Variants in ABHD3 observed in about 807,000 individuals in gnomAD.
ABHD3 encodes phospholipase ABHD3.
A neutral mutation model predicts 48.8 loss-of-function variants in ABHD3; 46 were observed. The observed-to-expected ratio is 0.94, with a 90% CI of 0.74 to 1.20. ABHD3 has a LOEUF of 1.20. Ranked by LOEUF, ABHD3 falls within the 50% of genes most tolerant of loss-of-function variation. The pLI is 0.00. For missense variants in ABHD3, 490 were observed against 497.8 expected, an observed-to-expected ratio of 0.98 and a Z score of 0.15; for synonymous variants, 192 against 183.7, an observed-to-expected ratio of 1.04 and a Z score of -0.36.
chr18:21,661,266 G>A (rs572960904), intron 5 of ABHD3, among the ~76,000 whole-genome samples: 29 of 152,206 alleles, frequency 1.9e-4, no homozygotes, highest in Non-Finnish European at 3.8e-4. Context: ...AATACTGTAT[G>A]ATAGTTTGAA....
At chr18:21,678,968 G>A (rs1331774564) in intron 4 of ABHD3, among the ~76,000 whole-genome samples, 1 of 152,198 alleles carries the variant, frequency 6.6e-6, no homozygotes, top group Non-Finnish European at 1.5e-5. Flanking sequence ...AGGAGCCATA[G>A]TAATCTCTAT....
chr18:21,668,379 G>A (rs1156319619), intron 4 of ABHD3, among the ~76,000 whole-genome samples: 1 of 151,916 alleles, frequency 6.6e-6, no homozygotes, highest in East Asian at 1.9e-4. Context: ...AATTATTTAT[G>A]AATAGTCCCC....
At chr18:21,686,318 GTTAA>G (rs2040128080) in intron 3 of ABHD3, among the ~76,000 whole-genome samples, 1 of 152,224 alleles carries the variant, frequency 6.6e-6, no homozygotes, top group East Asian at 1.9e-4. Context: ...CGGTGCTAAA[GTTAA>G]TTATGATCTT....
intron 8 of ABHD3, among the ~76,000 whole-genome samples, chr18:21,655,885 G>A (rs1230852772): frequency 6.6e-6 from 1 of 151,778 alleles, no homozygotes; most frequent in Non-Finnish European, 1.5e-5. Context: ...GGCTGGGTGT[G>A]GTGGCTCACG....
Position 21,659,287 on chromosome 18 carries a change from G to A in ABHD3, c.725C>T (p.Ala242Val), listed in dbSNP as rs1487694900. The change falls in exon 6 of 9, where the codon GCT (alanine) becomes GTT (valine). Residue 242 changes from alanine (A) to valine (V), a missense_variant. By Grantham distance (64) the Ala-to-Val change is moderately conservative. Transcript: ENST00000289119. ...GTTCCAACCAACGGAAAAAGTTGCAGCTGCCATCAAAGGCGTTTTGGACCC... is the reference window on the plus strand; with the variant it reads ...GTTCCAACCAACGGAAAAAGTTGCAACTGCCATCAAAGGCGTTTTGGACCC... ...KIGSKTPLMA[A>V]ATFSVGWNTF... 8.1e-6 allele frequency: 13 copies of A among 1,613,578 alleles called. No homozygotes were observed. The highest frequency in any genetic ancestry group is 1.0e-5 in the Non-Finnish European group (12 of 1,179,888).
chr18:21,664,579 GCTTT>G (rs1022372516), intron 4 of ABHD3: 8 of 175,886 alleles, frequency 4.5e-5, no homozygotes, highest in African/African-American at 1.2e-4. Context: ...AGAGAACTGT[GCTTT>G]CTATTAAACA....
chr18:21,662,433 T>C (rs1412892961), intron 5 of ABHD3: 1 of 152,178 alleles, frequency 6.6e-6, no homozygotes, highest in Non-Finnish European at 1.5e-5. Flanking sequence ...CAACTATTTA[T>C]AAGTGATGTC....
intron 8 of ABHD3, among the ~76,000 whole-genome samples, chr18:21,654,442 C>T (rs957038840): frequency 4.6e-5 from 7 of 152,034 alleles, no homozygotes; most frequent in Non-Finnish European, 7.4e-5. Context: ...AAGAATAAAC[C>T]GATAGCCCTA....
rs36011228 is a variant in ABHD3 at position 21,689,549 on chromosome 18, C to CAAAAAAA, written c.510-5591_510-5585dup. Reference sequence around the variant, plus strand: ...GGGCAACAAGGGTGAAATCTGGTCTCAAAAAAAAAAAAAAAAAAAAAAAAA... The same window carrying CAAAAAAA: ...GGGCAACAAGGGTGAAATCTGGTCTCAAAAAAAAAAAAAAAAAAAAAAAAAAAAAAAA... On this transcript the variant is annotated intron_variant, in intron 3 of 8. Coordinates refer to ENST00000289119, the MANE Select transcript of ABHD3 (RefSeq NM_138340.5). Among the ~76,000 whole-genome samples the CAAAAAAA allele has an allele frequency of 1.7e-3, 72 of 41,782 alleles. 14 individuals are homozygous for CAAAAAAA. Among genetic ancestry groups the CAAAAAAA allele is most frequent in the African/African-American group, 7.9e-3 (67 of 8,472 alleles). 27.4% of individuals were successfully genotyped at this position (41,782 alleles called of 152,430 possible). A position where few individuals can be genotyped will look rare whatever the true frequency, so the allele number is the denominator to read the frequency against.
intron 2 of ABHD3, 106 bp downstream of exon 2, chr18:21,703,478 A>G: frequency 2.2e-6 from 3 of 1,364,724 alleles, no homozygotes; most frequent in Non-Finnish European, 3.0e-6. Context: ...TCTGTTCTAT[A>G]TACTTCCTAA....
chr18:21,688,190 A>G (rs140866083), intron 3 of ABHD3, among the ~76,000 whole-genome samples: 1 of 152,214 alleles, frequency 6.6e-6, no homozygotes, highest in African/African-American at 2.4e-5. Flanking sequence ...ACCTAAGAAA[A>G]GCAGTGAAAC....
intron 5 of ABHD3, chr18:21,661,835 G>C (rs2039505871): frequency 6.6e-6 from 1 of 151,978 alleles, no homozygotes; most frequent in Admixed American, 6.6e-5. Flanking sequence ...ACCATGCCCA[G>C]CTAATTTTGC....
At chr18:21,691,941 G>A (rs1437074236) in intron 3 of ABHD3, among the ~76,000 whole-genome samples, 1 of 152,126 alleles carries the variant, frequency 6.6e-6, no homozygotes, top group Non-Finnish European at 1.5e-5. Flanking sequence ...TCTGTAATAA[G>A]CCTGTACATT....
intron 4 of ABHD3, among the ~76,000 whole-genome samples, chr18:21,677,136 G>T (rs1249839257): frequency 6.6e-6 from 1 of 152,082 alleles, no homozygotes; most frequent in East Asian, 1.9e-4. Flanking sequence ...TGTGTGGCCT[G>T]TTGAGATGAG....
intron 3 of ABHD3, among the ~76,000 whole-genome samples, chr18:21,693,232 T>C (rs993467250): frequency 6.6e-6 from 1 of 152,224 alleles, no homozygotes; most frequent in African/African-American, 2.4e-5. Context: ...TAACAAAATG[T>C]TTGCCATAGG....
chr18:21,700,341 T>C (rs950193242), intron 3 of ABHD3, among the ~76,000 whole-genome samples: 2 of 152,092 alleles, frequency 1.3e-5, no homozygotes, highest in Admixed American at 6.5e-5. Context: ...CTGTCCGCCT[T>C]GACCTCCCAA....
chr18:21,688,229 C>T (rs536997729), intron 3 of ABHD3, among the ~76,000 whole-genome samples: 2 of 152,288 alleles, frequency 1.3e-5, no homozygotes, highest in South Asian at 2.1e-4. Flanking sequence ...CCTGTCTAGG[C>T]CTAGTTTCCA....
At chr18:21,665,244 CAA>C (rs1314301315) in intron 4 of ABHD3, among the ~76,000 whole-genome samples, 1 of 151,106 alleles carries the variant, frequency 6.6e-6, no homozygotes, top group African/African-American at 2.4e-5. Flanking sequence ...CACGTCTGGC[CAA>C]AAAAAATTTT....
chr18:21,658,700 T>A (rs1178384433), intron 6 of ABHD3, among the ~76,000 whole-genome samples: 1 of 152,254 alleles, frequency 6.6e-6, no homozygotes, highest in Non-Finnish European at 1.5e-5. Context: ...ACATTTTTTA[T>A]TTATATGCAT....
Sources: gnomAD v4.1 joint callset for allele counts (sites outside exome capture counted in the v4.1 genomes callset) on GRCh38, gnomAD v4.1.1 for gene constraint, MANE v1.5 for transcripts, NCBI Gene and HGNC (gene_info 2026-07-23, HGNC 2026-07-21) for gene names.